Variants in SYNE2 observed in about 807,000 individuals in gnomAD.
SYNE2 encodes spectrin repeat containing nuclear envelope protein 2.
In SYNE2, 431 loss-of-function variants were observed where a neutral mutation model predicts 856.3. The observed-to-expected ratio is 0.50, with a 90% CI of 0.47 to 0.55. The LOEUF (loss-of-function observed/expected upper bound fraction) is 0.55, where lower values mean the gene tolerates loss of function less well. SYNE2 is among the 20% of genes least tolerant of loss of function. The pLI is 0.00. For missense variants in SYNE2, 8,129 were observed against 8,023.2 expected, an observed-to-expected ratio of 1.01 and a Z score of -0.50; for synonymous variants, 2,923 against 2,872.3, an observed-to-expected ratio of 1.02 and a Z score of -0.56.
At chr14:64,159,639 G>A (rs1404430226) in intron 87 of SYNE2, among the ~76,000 whole-genome samples, 197 bp downstream of exon 87, 1 of 152,146 alleles carries the variant, frequency 6.6e-6, no homozygotes, top group East Asian at 1.9e-4. Flanking sequence ...CCTTGTACAA[G>A]TGTTTGGTAT....
chr14:64,001,295 GAAGTT>G (rs1454312775), intron 28 of SYNE2, among the ~76,000 whole-genome samples: 2 of 152,174 alleles, frequency 1.3e-5, no homozygotes, highest in Non-Finnish European at 2.9e-5. Context: ...TTGTCAAGGT[GAAGTT>G]AAGTTACAAT....
intron 8 of SYNE2, among the ~76,000 whole-genome samples, chr14:63,959,693 C>T (rs1016628621): frequency 6.6e-6 from 1 of 151,852 alleles, no homozygotes; most frequent in Non-Finnish European, 1.5e-5. Context: ...TTTTTTTACC[C>T]CCTTCCTTTT....
rs573792492 is a variant in SYNE2 at position 64,219,108 on chromosome 14, T to TTG, written c.19658-99_19658-98insGT. ...GGAATCCCCTACAGTTTTTTTGTTTTTTTTTTTTTTTTTTTTAACCACCCT... is the reference window on the plus strand; with the variant it reads ...GGAATCCCCTACAGTTTTTTTGTTTTTGTTTTTTTTTTTTTTTTAACCACCCT... On this transcript the variant is annotated intron_variant, in intron 109 of 115. Transcript: ENST00000555002. 0.021 allele frequency: 17,160 copies of TTG among 798,686 alleles called. 408 individuals are homozygous for TTG. The highest frequency in any genetic ancestry group is 0.13 in the African/African-American group (6,679 of 53,194). 49.5% of individuals were successfully genotyped at this position (798,686 alleles called of 1,614,324 possible). A position where few individuals can be genotyped will look rare whatever the true frequency, so the allele number is the denominator to read the frequency against.
At chr14:64,148,457 C>A (rs373151146) in intron 84 of SYNE2, among the ~76,000 whole-genome samples, 1 of 152,150 alleles carries the variant, frequency 6.6e-6, no homozygotes, top group African/African-American at 2.4e-5. Context: ...CATCATCCCT[C>A]GTCAGTCCCC....
intron 64 of SYNE2, among the ~76,000 whole-genome samples, 161 bp from the exon 65 acceptor site, chr14:64,107,330 T>A (rs2097778030): frequency 6.6e-6 from 1 of 152,208 alleles, no homozygotes; most frequent in Non-Finnish European, 1.5e-5. Flanking sequence ...GGGAAGCTGA[T>A]TTTTTCCCTA....
In SYNE2 at chr14:64,225,900, G is replaced by T. The variant is rs2098716602; in HGVS notation, c.*374G>T. 1 of 473,836 alleles carries T rather than the reference G, an allele frequency of 2.1e-6. No individual in the cohort carries two copies. The highest frequency in any genetic ancestry group is 3.6e-5 in the Admixed American group (1 of 28,042). 29.4% of individuals were successfully genotyped at this position (473,836 alleles called of 1,614,324 possible). ...AGTGGTGTCCATCACATATATTATA[G>T]AAGCAAGCGAGGACATTCCACCCTA... On this transcript the variant is annotated 3_prime_UTR_variant, in exon 116 of 116. Transcript: ENST00000555002.
At chr14:63,957,251 C>A (rs1266940839) in intron 8 of SYNE2, among the ~76,000 whole-genome samples, 2 of 147,660 alleles carry the variant, frequency 1.4e-5, no homozygotes, top group African/African-American at 5.0e-5. Context: ...GTGTGCGCCA[C>A]CATGCCCAGC....
intron 32 of SYNE2, among the ~76,000 whole-genome samples, chr14:64,013,512 A>G (rs971131387): frequency 6.6e-6 from 1 of 152,112 alleles, no homozygotes; most frequent in African/African-American, 2.4e-5. Flanking sequence ...CCCAAGGCCT[A>G]TTATTCCACT....
intron 1 of SYNE2, among the ~76,000 whole-genome samples, chr14:63,828,022 G>A (rs1472715825): frequency 5.7e-5 from 8 of 140,672 alleles, no homozygotes; most frequent in African/African-American, 1.9e-4. Flanking sequence ...GCGAGTCTTC[G>A]TCTTTCAAAA....
intron 1 of SYNE2, among the ~76,000 whole-genome samples, chr14:63,831,549 C>CTTTTTT (rs1211983068): frequency 2.2e-3 from 156 of 69,542 alleles, no homozygotes; most frequent in East Asian, 3.9e-3. Context: ...AATGTTCATT[C>CTTTTTT]TTTTTTTTTT....
intron 11 of SYNE2, among the ~76,000 whole-genome samples, chr14:63,971,346 G>C (rs761542397): frequency 4.5e-4 from 69 of 151,842 alleles, no homozygotes; most frequent in Non-Finnish European, 9.3e-4. Context: ...GAACTCCTGG[G>C]CTCAAGGTAT....
At chr14:63,793,151 T>C (rs1428436623) in intron 1 of SYNE2, among the ~76,000 whole-genome samples, 1 of 152,150 alleles carries the variant, frequency 6.6e-6, no homozygotes, top group African/African-American at 2.4e-5. Context: ...GCTTTCTCTT[T>C]TAGATTTGAG....
At chr14:64,048,332 AT>A in intron 46 of SYNE2, 177 bp downstream of exon 46, 1 of 526,860 alleles carries the variant, frequency 1.9e-6, no homozygotes, top group Non-Finnish European at 3.3e-6. Context: ...AAATCTTTCC[AT>A]TTAGAAAGTA....
chr14:64,084,687 G>T, intron 57 of SYNE2: 1 of 366,350 alleles, frequency 2.7e-6, no homozygotes, highest in Non-Finnish European at 4.9e-6. Context: ...TTCCAGTTTT[G>T]AGCTATATAT....
upstream of SYNE2, among the ~76,000 whole-genome samples, chr14:63,852,826 G>C (rs1043610943): frequency 2.6e-5 from 4 of 152,182 alleles, no homozygotes; most frequent in South Asian, 2.1e-4. Flanking sequence ...CCCAAAAGAC[G>C]GGGAGAAAGT....
At chr14:64,040,080 T>G (rs2097135669) in intron 45 of SYNE2, among the ~76,000 whole-genome samples, 1 of 152,178 alleles carries the variant, frequency 6.6e-6, no homozygotes, top group African/African-American at 2.4e-5. Context: ...GAAATTAACA[T>G]GACAATCAGT....
At chr14:63,834,401 G>A (rs1490065812) in intron 1 of SYNE2, among the ~76,000 whole-genome samples, 2 of 151,792 alleles carry the variant, frequency 1.3e-5, no homozygotes, top group African/African-American at 4.8e-5. Context: ...TTCATCCTTG[G>A]GTTATTTTGT....
rs751652922 is a variant in SYNE2 at position 64,159,385 on chromosome 14, G to A, written c.16037G>A (p.Gly5346Asp). The A allele has an allele frequency of 1.9e-6, 3 of 1,613,996 alleles. No homozygotes were observed. The highest frequency in any genetic ancestry group is 2.5e-6 in the Non-Finnish European group (3 of 1,179,910). The change falls in exon 87 of 116, where the codon GGT (glycine) becomes GAT (aspartate). Residue 5346 changes from glycine (G) to aspartate (D), a missense_variant. Gly to Asp is a moderately conservative substitution (Grantham distance 94). This residue lies in a region of SYNE2 where 5,410 missense variants were observed against 5,284.8 expected (regional missense o/e 1.02). Coordinates refer to ENST00000555002, the MANE Select transcript of SYNE2 (RefSeq NM_182914.3). ...KLQEVIGKLK[G>D]LCPSVAEIIE... is the part of the protein sequence containing the mutation. Reference sequence around the variant, plus strand: ...CAGGAGGTTATCGGCAAACTCAAAGGTCTCTGCCCCTCTGTTGCTGAAATA... The same window carrying A: ...CAGGAGGTTATCGGCAAACTCAAAGATCTCTGCCCCTCTGTTGCTGAAATA...
chr14:64,201,378 T>C (rs2098564078), intron 99 of SYNE2, among the ~76,000 whole-genome samples: 1 of 152,156 alleles, frequency 6.6e-6, no homozygotes, highest in Non-Finnish European at 1.5e-5. Context: ...ACCAAGCATT[T>C]GTGGAGAGCT....
Sources: gnomAD v4.1 joint callset for allele counts (sites outside exome capture counted in the v4.1 genomes callset) on GRCh38, gnomAD v4.1.1 for gene constraint, gnomAD v4.1.1 regional missense constraint, MANE v1.5 for transcripts, NCBI Gene and HGNC (gene_info 2026-07-23, HGNC 2026-07-21) for gene names.